The following CHST8 variants were observed in gnomAD, a reference collection of about 807,000 sequenced individuals.
CHST8 encodes the protein carbohydrate sulfotransferase 8.
Under a neutral mutation model 15.0 loss-of-function variants are expected in CHST8, and 10 were observed. The observed-to-expected ratio is 0.67, with a 90% CI of 0.41 to 1.13. The LOEUF is 1.13. Among genes scored for constraint, CHST8 ranks in the 50% most tolerant of loss-of-function variants. The probability of loss-of-function intolerance (pLI) is 0.00; values close to 1 mark genes in which losing one functional copy is unlikely to be tolerated. For missense variants in CHST8, 634 were observed against 608.2 expected (o/e 1.04, Z -0.45); for synonymous variants, 259 against 256.6 (o/e 1.01, Z -0.09).
chr19:33,757,296 G>A (rs955941661), intron 3 of CHST8, among the ~76,000 whole-genome samples: 1 of 150,666 alleles, frequency 6.6e-6, no homozygotes, highest in Non-Finnish European at 1.5e-5. Context: ...CATGAGAATC[G>A]CTTGAACCAG....
intron 3 of CHST8, among the ~76,000 whole-genome samples, chr19:33,700,033 A>G (rs1325957023): frequency 6.6e-6 from 1 of 152,132 alleles, no homozygotes; most frequent in Non-Finnish European, 1.5e-5. Flanking sequence ...CTGCAGGGGA[A>G]ATATGTCTAC....
chr19:33,649,292 T>C lies in CHST8; in HGVS notation c.-163-18475T>C, dbSNP rs928319173. 2.0e-5 allele frequency among the ~76,000 whole-genome samples: 3 copies of C among 152,194 alleles called. No individual in the cohort carries two copies. The East Asian group carries it at 5.8e-4, about 29-fold the overall frequency. On this transcript the variant is annotated intron_variant, in intron 1 of 4. Coordinates refer to ENST00000650847, the MANE Select transcript of CHST8 (RefSeq NM_001127895.2). ...TTTGCATTTCCCCAATGAGTAATGA[T>C]GTATCTCATTGGGGATGCATCTTTT... is the stretch of plus-strand genomic sequence containing the variant.
intron 3 of CHST8, among the ~76,000 whole-genome samples, chr19:33,690,297 T>G (rs1315684122): frequency 6.6e-6 from 1 of 152,146 alleles, no homozygotes; most frequent in Non-Finnish European, 1.5e-5. Context: ...TGCTCAGTGC[T>G]GTGATCCAGA....
chr19:33,722,434 T>C (rs1036722263), intron 3 of CHST8, among the ~76,000 whole-genome samples: 1 of 152,132 alleles, frequency 6.6e-6, no homozygotes, highest in African/African-American at 2.4e-5. Flanking sequence ...CAAAGATTTG[T>C]TGGTAGACTG....
chr19:33,771,955 AG>A lies in CHST8; in HGVS notation c.169del. 6.4e-7 allele frequency: 1 copy of A among 1,558,324 alleles called. No individual in the cohort carries two copies. Among genetic ancestry groups the A allele is most frequent in the Non-Finnish European group, 8.7e-7 (1 of 1,155,106 alleles). On this transcript the variant is annotated splice_acceptor_variant, in intron 4 of 4. Transcript: ENST00000650847. LOFTEE classifies it high-confidence loss of function. The stretch of plus-strand genomic sequence containing the variant: ...AGATAACCACTTCTCTTCTTGCCCC[AG>A]GACCTCCCACCAGGCGGCTCCCAGG...
At chr19:33,762,421 GCTGAGCTGA>G (rs1306111289) in intron 3 of CHST8, among the ~76,000 whole-genome samples, 1 of 152,232 alleles carries the variant, frequency 6.6e-6, no homozygotes, top group Non-Finnish European at 1.5e-5. Flanking sequence ...CACGACCAAG[GCTGAGCTGA>G]CAGGAACCAC....
intron 1 of CHST8, among the ~76,000 whole-genome samples, chr19:33,652,190 C>A (rs889696450): frequency 6.6e-6 from 1 of 151,746 alleles, no homozygotes; most frequent in African/African-American, 2.4e-5. Flanking sequence ...TTTTTTTTGG[C>A]CTTACATTCT....
intron 1 of CHST8, among the ~76,000 whole-genome samples, chr19:33,637,052 G>T (rs1048873360): frequency 8.5e-5 from 13 of 152,314 alleles, no homozygotes; most frequent in African/African-American, 3.1e-4. Context: ...TTAGACCATA[G>T]AGGGTAACTT....
At chr19:33,690,958 G>A (rs915635391) in intron 3 of CHST8, among the ~76,000 whole-genome samples, 2 of 152,216 alleles carry the variant, frequency 1.3e-5, no homozygotes, top group Non-Finnish European at 2.9e-5. Context: ...TAGGCAGAGG[G>A]TCCAGGCGGC....
chr19:33,714,725 G>C (rs1440058110), intron 3 of CHST8, among the ~76,000 whole-genome samples: 1 of 152,198 alleles, frequency 6.6e-6, no homozygotes, highest in East Asian at 1.9e-4. Flanking sequence ...CTGTTCTCGT[G>C]ATAGTGAATG....
At chr19:33,624,749 G>A (rs1182418772) in intron 1 of CHST8, among the ~76,000 whole-genome samples, 1 of 152,172 alleles carries the variant, frequency 6.6e-6, no homozygotes, top group East Asian at 1.9e-4. Context: ...CAGCCTGATA[G>A]GCTTTTTGTG....
intron 1 of CHST8, among the ~76,000 whole-genome samples, chr19:33,627,032 CT>C (rs1972062664): frequency 6.9e-6 from 1 of 144,250 alleles, no homozygotes; most frequent in Admixed American, 7.5e-5. Context: ...TCAAGCAATC[CT>C]TCTGCCTCAG....
At chr19:33,714,925 T>G (rs1213411994) in intron 3 of CHST8, among the ~76,000 whole-genome samples, 1 of 152,206 alleles carries the variant, frequency 6.6e-6, no homozygotes, top group African/African-American at 2.4e-5. Context: ...TATGTCTTTA[T>G]CAGCAGCATG....
At chr19:33,703,176 G>A (rs1043886739) in intron 3 of CHST8, among the ~76,000 whole-genome samples, 1 of 152,180 alleles carries the variant, frequency 6.6e-6, no homozygotes, top group Non-Finnish European at 1.5e-5. Context: ...CCCTTTGCCC[G>A]GCTCTGTCCC....
intron 1 of CHST8, among the ~76,000 whole-genome samples, chr19:33,636,744 T>C (rs916360470): frequency 1.3e-5 from 2 of 151,880 alleles, no homozygotes; most frequent in African/African-American, 4.8e-5. Flanking sequence ...CTACTAAAAA[T>C]ACAAAAATTA....
intron 1 of CHST8, among the ~76,000 whole-genome samples, chr19:33,623,927 G>A (rs1263788713): frequency 6.6e-6 from 1 of 152,204 alleles, no homozygotes; most frequent in African/African-American, 2.4e-5. Context: ...GAACCCTGAA[G>A]AGAGGGACCT....
chr19:33,692,322 G>C (rs906058461), intron 3 of CHST8, among the ~76,000 whole-genome samples: 1 of 152,172 alleles, frequency 6.6e-6, no homozygotes, highest in African/African-American at 2.4e-5. Flanking sequence ...CTGCTTTCAG[G>C]AAATTCACTT....
rs1568358464 is a variant in CHST8 at position 33,757,456 on chromosome 19, A to AG, written c.131-13957_131-13956insG. On this transcript the variant is annotated intron_variant, in intron 3 of 4. Transcript: ENST00000650847. Reference sequence around the variant, plus strand: ...AAAGAAAGAAAGAAAGAAAGAAAGAAAGAAAGAAAGAAAGAAAGAAAGAAA... The same window carrying AG: ...AAAGAAAGAAAGAAAGAAAGAAAGAAGAGAAAGAAAGAAAGAAAGAAAGAAA... Among the ~76,000 whole-genome samples the AG allele has an allele frequency of 2.5e-4, 9 of 35,762 alleles. 2 individuals carry two copies. Among genetic ancestry groups the AG allele is most frequent in the Non-Finnish European group, 5.3e-4 (9 of 17,044 alleles). The allele number at this position is 35,762 out of a possible 152,430, so 23.5% of individuals were successfully genotyped here. A position where few individuals can be genotyped will look rare whatever the true frequency, so the allele number is the denominator to read the frequency against.
chr19:33,623,706 C>T (rs1972015946), intron 1 of CHST8, among the ~76,000 whole-genome samples: 1 of 152,202 alleles, frequency 6.6e-6, no homozygotes, highest in Non-Finnish European at 1.5e-5. Flanking sequence ...GAGCCCTTAA[C>T]ATTTTCCAGC....
Sources: gnomAD v4.1 joint callset for allele counts (sites outside exome capture counted in the v4.1 genomes callset) on GRCh38, gnomAD v4.1.1 for gene constraint, MANE v1.5 for transcripts, NCBI Gene and HGNC (gene_info 2026-07-23, HGNC 2026-07-21) for gene names.